MYO9A: variants seen among roughly 807,000 people sequenced by gnomAD.
The protein encoded by MYO9A is unconventional myosin-IXa.
Under a neutral mutation model 293.3 loss-of-function variants are expected in MYO9A, and 103 were observed. That is an observed-to-expected ratio of 0.35 (90% confidence interval 0.30 to 0.41). The LOEUF is 0.41. Ranked by LOEUF, MYO9A falls within the 10% of genes least tolerant of loss-of-function variation. The probability of loss-of-function intolerance (pLI) is 1.00; values close to 1 mark genes in which losing one functional copy is unlikely to be tolerated. For missense variants in MYO9A, 2,685 were observed against 3,033.0 expected, an observed-to-expected ratio of 0.89 and a Z score of 2.69; for synonymous variants, 1,001 against 1,035.7, an observed-to-expected ratio of 0.97 and a Z score of 0.64.
At chr15:71,877,339 G>A (rs953317522) in intron 31 of MYO9A, among the ~76,000 whole-genome samples, 10 of 152,130 alleles carry the variant, frequency 6.6e-5, no homozygotes, top group South Asian at 2.1e-4. Context: ...CCCAAAACAC[G>A]TATTTTCCTA....
chr15:71,829,217 TATC>T (rs2054623377), intron 40 of MYO9A, among the ~76,000 whole-genome samples: 1 of 152,192 alleles, frequency 6.6e-6, no homozygotes, highest in Non-Finnish European at 1.5e-5. Context: ...ATCTTTGCCT[TATC>T]ATGTTTTTTA....
chr15:71,950,515 C>T (rs2059025516), intron 15 of MYO9A: 1 of 152,148 alleles, frequency 6.6e-6, no homozygotes. Context: ...GATTAAAAGA[C>T]AGAATAGGAA....
chr15:72,092,111 G>T (rs184173600), intron 1 of MYO9A, among the ~76,000 whole-genome samples: 5 of 152,300 alleles, frequency 3.3e-5, no homozygotes, highest in African/African-American at 4.8e-5. Context: ...GATAAGCAGA[G>T]CACTGAAGCC....
At chr15:71,910,934 C>T (rs1246508894) in intron 19 of MYO9A, among the ~76,000 whole-genome samples, 1 of 152,078 alleles carries the variant, frequency 6.6e-6, no homozygotes, top group Non-Finnish European at 1.5e-5. Flanking sequence ...GGAATAAAAT[C>T]TACATACTAT....
chr15:71,906,386 G>A (rs559549168), intron 19 of MYO9A, among the ~76,000 whole-genome samples: 6 of 152,248 alleles, frequency 3.9e-5, no homozygotes, highest in Non-Finnish European at 7.4e-5. Flanking sequence ...TACTTACCCT[G>A]TCAATTACCA....
chr15:71,864,125 T>C (rs1402966761), intron 32 of MYO9A, among the ~76,000 whole-genome samples: 3 of 152,178 alleles, frequency 2.0e-5, no homozygotes, highest in African/African-American at 7.2e-5. Flanking sequence ...ATGTTAGAAA[T>C]GTTAGAACCC....
intron 32 of MYO9A, among the ~76,000 whole-genome samples, chr15:71,868,253 C>T (rs2056401517): frequency 6.6e-6 from 1 of 152,182 alleles, no homozygotes; most frequent in South Asian, 2.1e-4. Context: ...TTGTTCTCAG[C>T]CTCTAGAGGC....
In MYO9A at chr15:72,108,762, A is replaced by ATTTTTTTTTTTTT. The variant is rs3028363; in HGVS notation, c.-72+8905_-72+8917dup. 1.4e-5 allele frequency among the ~76,000 whole-genome samples: 2 copies of ATTTTTTTTTTTTT among 139,242 alleles called. 1 individual carries two copies. Among genetic ancestry groups the ATTTTTTTTTTTTT allele is most frequent in the Non-Finnish European group, 3.1e-5 (2 of 65,294 alleles). 91.3% of individuals were successfully genotyped at this position (139,242 alleles called of 152,430 possible). A position where few individuals can be genotyped will look rare whatever the true frequency, so the allele number is the denominator to read the frequency against. The stretch of plus-strand genomic sequence containing the variant: ...GCAGTAAACTTGTCATGACACATAC[A>ATTTTTTTTTTTTT]TTTTTTTTTTTTTTTTTGAGACAGA... On this transcript the variant is annotated intron_variant, in intron 1 of 41. Transcript: ENST00000356056.
rs565682349 is a variant in MYO9A, at chr15:72,095,936, G to A, written c.-72+21744C>T. ...CTTTATAAAAAATACAAAAATTAAG[G>A]TGGGTAGATCACCTGAGGTCAAGAG... On this transcript the variant is annotated intron_variant, in intron 1 of 41. Coordinates refer to ENST00000356056, the MANE Select transcript of MYO9A (RefSeq NM_006901.4). Among the ~76,000 whole-genome samples the A allele has an allele frequency of 1.8e-4, 27 of 152,050 alleles. No homozygotes were observed. In the South Asian group the frequency reaches 5.6e-3, roughly 32 times the overall value.
chr15:72,020,553 C>A (rs1433557617), intron 5 of MYO9A, among the ~76,000 whole-genome samples: 1 of 152,070 alleles, frequency 6.6e-6, no homozygotes, highest in Non-Finnish European at 1.5e-5. Context: ...TAATCCCTTG[C>A]AAAGGACAAG....
intron 1 of MYO9A, among the ~76,000 whole-genome samples, chr15:72,055,955 C>A (rs1165160658): frequency 1.3e-5 from 2 of 152,250 alleles, no homozygotes; most frequent in South Asian, 4.1e-4. Context: ...AGGGCAGGTG[C>A]GGTGGCTCAC....
At chr15:72,018,995 G>A (rs748147510) in intron 6 of MYO9A, 44 bp downstream of exon 6, 2 of 1,506,838 alleles carry the variant, frequency 1.3e-6, no homozygotes, top group South Asian at 1.1e-5. Context: ...GCAATGTGAG[G>A]ACCCTTTGAC....
intron 14 of MYO9A, among the ~76,000 whole-genome samples, chr15:71,956,304 G>A (rs1299061155): frequency 8.5e-5 from 5 of 59,020 alleles, no homozygotes; most frequent in African/African-American, 3.4e-4. Flanking sequence ...AGCGAAACCC[G>A]GCTCTTAAAA....
At chr15:71,903,618 T>C (rs889094464) in intron 21 of MYO9A, among the ~76,000 whole-genome samples, 7 of 152,256 alleles carry the variant, frequency 4.6e-5, no homozygotes, top group African/African-American at 1.4e-4. Context: ...ATAATTCTCA[T>C]TGAACTATTT....
rs78311396 is a variant in MYO9A, at chr15:71,990,950, C to T, written c.1722+153G>A. 0.031 allele frequency among the ~76,000 whole-genome samples: 4,738 copies of T among 152,128 alleles called. 556 individuals are homozygous for T. In the East Asian group the frequency reaches 0.4, roughly 13 times the overall value. On this transcript the variant is annotated intron_variant, in intron 11 of 41. Transcript: ENST00000356056. ...TATTTGTTCCCAAGCCAATTTACTT[C>T]GGTTATTCTTGTTTGTAAAGGCACG...
At chr15:71,889,453 T>C (rs2057115489) in intron 26 of MYO9A, 1 of 143,148 alleles carries the variant, frequency 7.0e-6, no homozygotes, top group African/African-American at 2.6e-5. Context: ...CCTTTTTTTT[T>C]TTTTTTTTTT....
At chr15:72,103,674 AAGC>A (rs2080472103) in intron 1 of MYO9A, among the ~76,000 whole-genome samples, 1 of 151,644 alleles carries the variant, frequency 6.6e-6, no homozygotes, top group South Asian at 2.1e-4. Context: ...GCAGCAGCAG[AAGC>A]AGAAGAATTT....
intron 1 of MYO9A, among the ~76,000 whole-genome samples, chr15:72,063,023 G>A (rs1276955825): frequency 6.6e-6 from 1 of 152,168 alleles, no homozygotes; most frequent in Non-Finnish European, 1.5e-5. Flanking sequence ...TCCCATCTAT[G>A]GAGCTATAGT....
chr15:71,913,166 T>C (rs1264637899), intron 19 of MYO9A, among the ~76,000 whole-genome samples: 1 of 152,218 alleles, frequency 6.6e-6, no homozygotes, highest in Non-Finnish European at 1.5e-5. Flanking sequence ...TTTCGTTTTT[T>C]TACATCTTTG....
Sources: gnomAD v4.1 joint callset for allele counts (sites outside exome capture counted in the v4.1 genomes callset) on GRCh38, gnomAD v4.1.1 for gene constraint, MANE v1.5 for transcripts, NCBI Gene and HGNC (gene_info 2026-07-23, HGNC 2026-07-21) for gene names.